Variants in AP5M1 observed in about 807,000 individuals in gnomAD.
AP5M1 encodes adaptor related protein complex 5 subunit mu 1.
AP5M1 carries 44 observed loss-of-function variants against 52.3 expected under a neutral mutation model. That is an observed-to-expected ratio of 0.84 (90% confidence interval 0.66 to 1.08). The LOEUF is 1.08. AP5M1 is among the 50% of genes least tolerant of loss of function. AP5M1 has a pLI of 0.00. For missense variants in AP5M1, 526 were observed against 568.4 expected (o/e 0.93, Z 0.76); for synonymous variants, 213 against 199.0 (o/e 1.07, Z -0.59).
In AP5M1 at chr14:57,290,406, T is replaced by G. The variant is rs1045133428; in HGVS notation, c.*1522T>G. The G allele has an allele frequency of 6.6e-6, 1 of 151,984 alleles. No individual in the cohort carries two copies. The highest frequency in any genetic ancestry group is 2.4e-5 in the African/African-American group (1 of 41,424). The allele number at this position is 151,984 out of a possible 1,614,324, so 9.4% of individuals were successfully genotyped here. On this transcript the variant is annotated 3_prime_UTR_variant, in exon 8 of 8. Transcript: ENST00000261558. ...TGAAAGAAGAAAATATCATTCCCTA[T>G]AAGTTATTTGATCTCTCTTAAACTC...
Position 57,269,083 on chromosome 14 carries a change from G to C in AP5M1, c.-232G>C. 1 of 574,838 alleles carries C rather than the reference G, an allele frequency of 1.7e-6. No homozygotes were observed. Among genetic ancestry groups the C allele is most frequent in the South Asian group, 2.2e-5 (1 of 44,606 alleles). The allele number at this position is 574,838 out of a possible 1,614,324, so 35.6% of individuals were successfully genotyped here. A position where few individuals can be genotyped will look rare whatever the true frequency, so the allele number is the denominator to read the frequency against. The stretch of plus-strand genomic sequence containing the variant: ...TGCAGGGTATAGGTAAATTTCTCAA[G>C]GTTATAGGTTGGGGTTCTTAGAACT... On this transcript the variant is annotated 5_prime_UTR_variant, in exon 1 of 8. Coordinates refer to ENST00000261558, the MANE Select transcript of AP5M1 (RefSeq NM_018229.4).
intron 2 of AP5M1, chr14:57,278,641 T>G (rs1477523263): frequency 6.6e-6 from 1 of 152,210 alleles, no homozygotes; most frequent in Non-Finnish European, 1.5e-5. Context: ...AATGTAAGGC[T>G]TCACACATAG....
intron 6 of AP5M1, among the ~76,000 whole-genome samples, chr14:57,284,835 A>G (rs1377487690): frequency 6.6e-6 from 1 of 152,158 alleles, no homozygotes; most frequent in African/African-American, 2.4e-5. Context: ...AATTATTGAT[A>G]TGGAGAAAAT....
intron 6 of AP5M1, 83 bp downstream of exon 6, chr14:57,283,313 T>C: frequency 2.5e-6 from 2 of 806,110 alleles, no homozygotes; most frequent in Admixed American, 5.2e-5. Flanking sequence ...TTTAATGTTT[T>C]CCACCAATTG....
rs1490767079 is a variant in AP5M1, at chr14:57,294,401, T to C, written c.*5517T>C. ...AAATTAGTTATTCCTCTTAAATTTT[T>C]ACTTTTTCCTTCAAAGGACTTGGGT... On this transcript the variant is annotated 3_prime_UTR_variant, in exon 8 of 8. Coordinates refer to ENST00000261558, the MANE Select transcript of AP5M1 (RefSeq NM_018229.4). 1 of 151,934 alleles carries C rather than the reference T, an allele frequency of 6.6e-6. No homozygotes were observed. Among genetic ancestry groups the C allele is most frequent in the African/African-American group, 2.4e-5 (1 of 41,418 alleles). The allele number at this position is 151,934 out of a possible 1,614,324, so 9.4% of individuals were successfully genotyped here.
At chr14:57,277,471 A>G (rs1277161063) in intron 2 of AP5M1, among the ~76,000 whole-genome samples, 1 of 152,190 alleles carries the variant, frequency 6.6e-6, no homozygotes, top group East Asian at 1.9e-4. Context: ...ATTAGTTCAC[A>G]TATAGAAAAT....
Position 57,283,244 on chromosome 14 carries a change from T to C in AP5M1, c.1293+14T>C, listed in dbSNP as rs752965727. 1 of 1,397,506 alleles carries C rather than the reference T, an allele frequency of 7.2e-7. No individual in the cohort carries two copies. Among genetic ancestry groups the C allele is most frequent in the South Asian group, 1.2e-5 (1 of 82,854 alleles). The allele number at this position is 1,397,506 out of a possible 1,614,324, so 86.6% of individuals were successfully genotyped here. A position where few individuals can be genotyped will look rare whatever the true frequency, so the allele number is the denominator to read the frequency against. ...GCATATTTAAAGGTAAACATATTTATACAGCTCACTACAGTAGCACCCTTC... is the reference window on the plus strand; with the variant it reads ...GCATATTTAAAGGTAAACATATTTACACAGCTCACTACAGTAGCACCCTTC... On this transcript the variant is annotated intron_variant, in intron 6 of 7. Transcript: ENST00000261558.
chr14:57,275,029 TTA>T (rs1348665967), intron 2 of AP5M1, 140 bp downstream of exon 2: 4 of 902,114 alleles, frequency 4.4e-6, no homozygotes, highest in African/African-American at 1.7e-5. Flanking sequence ...ATGTAAAATT[TTA>T]TGTTATCTTT....
At position 57,286,251 on chromosome 14, in the gene AP5M1, T is replaced by G. The variant is rs1231951180; in HGVS notation, c.1322T>G (p.Leu441Arg). The part of the protein sequence containing the change: ...KLHFRILDYT[L>R]TGCYADQHSV... ...CATTTTAGGATCTTAGATTACACACTTACTGGATGTTATGCAGATCAGCAT... is the reference window on the plus strand; with the variant it reads ...CATTTTAGGATCTTAGATTACACACGTACTGGATGTTATGCAGATCAGCAT... Residue 441 changes from leucine to arginine, a missense_variant, in exon 7 of 8, where the codon CTT (leucine) becomes CGT (arginine). Around this residue, in one of 3 missense-constraint regions of AP5M1, gnomAD observed 97 missense variants for 121.3 expected, o/e 0.80. Transcript: ENST00000261558. The G allele has an allele frequency of 6.2e-7, 1 of 1,612,248 alleles. No individual in the cohort carries two copies. The highest frequency in any genetic ancestry group is 2.2e-5 in the East Asian group (1 of 44,824).
intron 4 of AP5M1, among the ~76,000 whole-genome samples, chr14:57,282,675 G>A (rs1307908145): frequency 1.3e-5 from 2 of 152,086 alleles, no homozygotes; most frequent in African/African-American, 2.4e-5. Context: ...CAACCCATGT[G>A]ACCGTATTAA....
Position 57,297,460 on chromosome 14 carries a change from A to G in AP5M1, c.*8576A>G, listed in dbSNP as rs963518885. ...TTGTATGCTAATGTGTCTTAGATTT[A>G]CCAACTATCCTAATGTGTAGTCAAT... On this transcript the variant is annotated 3_prime_UTR_variant, in exon 8 of 8. Coordinates refer to ENST00000261558, the MANE Select transcript of AP5M1 (RefSeq NM_018229.4). 2 of 152,156 alleles carry G rather than the reference A, an allele frequency of 1.3e-5. No homozygotes were observed. Among genetic ancestry groups the G allele is most frequent in the Non-Finnish European group, 2.9e-5 (2 of 68,018 alleles). The allele number at this position is 152,156 out of a possible 1,614,324, so 9.4% of individuals were successfully genotyped here.
At position 57,282,918 on chromosome 14, in the gene AP5M1, C is replaced by T; in HGVS notation, c.1089-16C>T. ...TATCTATGATCTTTTTCTATTTTAT[C>T]CTTTTCTTTTTAAAGAGGTCCAATT... On this transcript the variant is annotated splice_polypyrimidine_tract_variant and intron_variant, in intron 4 of 7. Coordinates refer to ENST00000261558, the MANE Select transcript of AP5M1 (RefSeq NM_018229.4). 6.6e-7 allele frequency: 1 copy of T among 1,519,568 alleles called. No individual in the cohort carries two copies. Among genetic ancestry groups the T allele is most frequent in the Non-Finnish European group, 9.0e-7 (1 of 1,116,160 alleles). The allele number at this position is 1,519,568 out of a possible 1,614,324, so 94.1% of individuals were successfully genotyped here. A position where few individuals can be genotyped will look rare whatever the true frequency, so the allele number is the denominator to read the frequency against.
At chr14:57,273,681 A>G (rs560322452) in intron 1 of AP5M1, 2 of 701,810 alleles carry the variant, frequency 2.8e-6, no homozygotes, top group African/African-American at 1.7e-5. Context: ...AACCATTATT[A>G]CTAAAATGAT....
rs766746802 is a variant in AP5M1, at chr14:57,280,230, C to A, written c.756C>A (p.Ile252=). The A allele has an allele frequency of 4.3e-6, 7 of 1,613,896 alleles. No individual in the cohort carries two copies. Among genetic ancestry groups the A allele is most frequent in the Non-Finnish European group, 5.9e-6 (7 of 1,179,840 alleles). ...DLEGIMPNVT[I]SLSLPTNGSP... is the part of the protein sequence containing the mutation. ...AAGGAATCATGCCAAATGTTACCAT[C>A]AGCTTGAGTCTCCCCACCAATGGAT... The change falls in exon 3 of 8, where the codon ATC becomes ATA. Residue 252 remains isoleucine, a synonymous_variant. Coordinates refer to ENST00000261558, the MANE Select transcript of AP5M1 (RefSeq NM_018229.4).
At position 57,270,110 on chromosome 14, in the gene AP5M1, GC is replaced by G. The variant is rs1220711738; in HGVS notation, c.74+723del. ...GCAGGAGCCACCGCGCCCCGCCCAG[GC>G]TTTTATTTTTATCTTGTTAATATGT... On this transcript the variant is annotated intron_variant, in intron 1 of 7. Coordinates refer to ENST00000261558, the MANE Select transcript of AP5M1 (RefSeq NM_018229.4). Among the ~76,000 whole-genome samples, 12 of 152,216 alleles carry G rather than the reference GC, an allele frequency of 7.9e-5. No individual in the cohort carries two copies. In the East Asian group the frequency reaches 2.3e-3, roughly 29 times the overall value.
chr14:57,296,329 G>T lies in AP5M1; in HGVS notation c.*7445G>T, dbSNP rs1017881117. 1 of 151,952 alleles carries T rather than the reference G, an allele frequency of 6.6e-6. No homozygotes were observed. The highest frequency in any genetic ancestry group is 3.2e-3 in the Middle Eastern group (1 of 316). 9.4% of individuals were successfully genotyped at this position (151,952 alleles called of 1,614,324 possible). Reference sequence around the variant, plus strand: ...TTTCCCACATTTCAACCTAAAAATGGTATCTATCACAGTTATCAAAGATTA... The same window carrying T: ...TTTCCCACATTTCAACCTAAAAATGTTATCTATCACAGTTATCAAAGATTA... On this transcript the variant is annotated 3_prime_UTR_variant, in exon 8 of 8. Coordinates refer to ENST00000261558, the MANE Select transcript of AP5M1 (RefSeq NM_018229.4).
Position 57,289,779 on chromosome 14 carries a change from G to A in AP5M1, c.*895G>A, listed in dbSNP as rs779939441. On this transcript the variant is annotated 3_prime_UTR_variant, in exon 8 of 8. Transcript: ENST00000261558. ...TAAAAATTCAAAAGGCACTCTGTGA[G>A]TAGAGAGTATCATTTAAGCTTATTT... is the stretch of plus-strand genomic sequence containing the variant. The A allele has an allele frequency of 1.3e-5, 2 of 151,982 alleles. No homozygotes were observed. Among genetic ancestry groups the A allele is most frequent in the Admixed American group, 6.6e-5 (1 of 15,218 alleles). 9.4% of individuals were successfully genotyped at this position (151,982 alleles called of 1,614,324 possible).
In AP5M1 at chr14:57,290,900, G is replaced by A. The variant is rs1594710923; in HGVS notation, c.*2016G>A. Reference sequence around the variant, plus strand: ...TTTCCCTGTGTCTGGGAACTCCTTAGTGTAATTAGCGACCTTTGAACTCCA... The same window carrying A: ...TTTCCCTGTGTCTGGGAACTCCTTAATGTAATTAGCGACCTTTGAACTCCA... On this transcript the variant is annotated 3_prime_UTR_variant, in exon 8 of 8. Transcript: ENST00000261558. The A allele has an allele frequency of 6.6e-6, 1 of 151,898 alleles. No individual in the cohort carries two copies. Among genetic ancestry groups the A allele is most frequent in the Admixed American group, 6.6e-5 (1 of 15,216 alleles). The allele number at this position is 151,898 out of a possible 1,614,324, so 9.4% of individuals were successfully genotyped here. A position where few individuals can be genotyped will look rare whatever the true frequency, so the allele number is the denominator to read the frequency against.
At chr14:57,284,997 A>G (rs1885273538) in intron 6 of AP5M1, among the ~76,000 whole-genome samples, 1 of 152,168 alleles carries the variant, frequency 6.6e-6, no homozygotes, top group East Asian at 1.9e-4. Flanking sequence ...CAGAGAACAA[A>G]TAGTTGAGGC....
Sources: gnomAD v4.1 joint callset for allele counts (sites outside exome capture counted in the v4.1 genomes callset) on GRCh38, gnomAD v4.1.1 for gene constraint, gnomAD v4.1.1 regional missense constraint, MANE v1.5 for transcripts, NCBI Gene and HGNC (gene_info 2026-07-23, HGNC 2026-07-21) for gene names.